The following ARID4B variants were observed in gnomAD, a reference collection of about 807,000 sequenced individuals.
ARID4B encodes the protein AT-rich interactive domain-containing protein 4B.
In ARID4B, 26 loss-of-function variants were observed where a neutral mutation model predicts 147.5. That is an observed-to-expected ratio of 0.18 (90% CI 0.13 to 0.24). The LOEUF is 0.24. Among genes scored for constraint, ARID4B ranks in the 10% least tolerant of loss-of-function variants. ARID4B has a pLI of 1.00. For missense variants in ARID4B, 1,179 were observed against 1,511.5 expected (o/e 0.78, Z 3.65); for synonymous variants, 512 against 507.9 (o/e 1.01, Z -0.11).
At chr1:235,240,633 A>G in intron 7 of ARID4B, 182 bp from the exon 8 acceptor site, 3 of 617,996 alleles carry the variant, frequency 4.9e-6, no homozygotes, top group Non-Finnish European at 8.3e-6. Context: ...TCATGAGAGG[A>G]AAGCACATCA....
In ARID4B at chr1:235,179,840, G is replaced by A. The variant is rs566931507; in HGVS notation, c.3334+1745C>T. On this transcript the variant is annotated intron_variant, in intron 20 of 23. Transcript: ENST00000264183. ...AATCCTAGCACTTTGGGAGGCCAAG[G>A]CAGGCAGATCATGAGGTCAAGAGAT... Among the ~76,000 whole-genome samples the A allele has an allele frequency of 3.8e-4, 58 of 151,972 alleles. 1 individual carries two copies. The East Asian group carries it at 0.01, about 27-fold the overall frequency.
At chr1:235,203,928 ACTAT>A (rs1362063793) in intron 17 of ARID4B, among the ~76,000 whole-genome samples, 14 of 151,496 alleles carry the variant, frequency 9.2e-5, no homozygotes, top group African/African-American at 2.9e-4. Context: ...TTTTAATCTG[ACTAT>A]CTAAAACAAG....
chr1:235,327,358 C>T (rs1443465533), intron 1 of ARID4B: 1 of 152,842 alleles, frequency 6.5e-6, no homozygotes, highest in East Asian at 1.9e-4. Flanking sequence ...AGAGGCCGGC[C>T]GGGGGCCACC....
chr1:235,256,087 T>C (rs10449288), intron 4 of ARID4B, among the ~76,000 whole-genome samples: 43,895 of 149,412 alleles, frequency 0.29, 7,519 homozygotes, highest in South Asian at 0.53. Flanking sequence ...GCCAGGAGAA[T>C]TGCTTGAGCC....
chr1:235,319,767 G>A (rs1367174378), intron 2 of ARID4B, among the ~76,000 whole-genome samples: 6 of 152,002 alleles, frequency 3.9e-5, no homozygotes, highest in East Asian at 1.9e-4. Context: ...CAAGGCGGGC[G>A]GATCACTTAA....
intron 19 of ARID4B, among the ~76,000 whole-genome samples, chr1:235,191,428 T>G (rs955282515): frequency 1.3e-5 from 2 of 151,896 alleles, no homozygotes; most frequent in Admixed American, 6.6e-5. Context: ...TTTTGTATTT[T>G]TTTTTTTAGT....
At chr1:235,323,502 C>T (rs1296907932) in intron 2 of ARID4B, among the ~76,000 whole-genome samples, 1 of 151,990 alleles carries the variant, frequency 6.6e-6, no homozygotes, top group East Asian at 1.9e-4. Flanking sequence ...AAGTAAAAAT[C>T]GGCCGGGCGC....
intron 17 of ARID4B, among the ~76,000 whole-genome samples, chr1:235,207,501 GT>G (rs1225053261): frequency 2.6e-5 from 4 of 152,160 alleles, no homozygotes; most frequent in African/African-American, 9.7e-5. Flanking sequence ...GTCAAAAGAA[GT>G]GATTATAATA....
At chr1:235,193,537 A>G (rs1304113812) in intron 19 of ARID4B, among the ~76,000 whole-genome samples, 1 of 152,256 alleles carries the variant, frequency 6.6e-6, no homozygotes, top group East Asian at 1.9e-4. Context: ...GATGGCACAG[A>G]AAAGATTAAA....
chr1:235,238,487 T>C (rs144648354), intron 8 of ARID4B, among the ~76,000 whole-genome samples: 1,565 of 152,202 alleles, frequency 0.01, 25 homozygotes, highest in African/African-American at 0.033. Context: ...AATAGTACTT[T>C]CAAAGTGTCT....
intron 2 of ARID4B, among the ~76,000 whole-genome samples, chr1:235,270,355 C>T (rs186678010): frequency 6.6e-6 from 1 of 152,258 alleles, no homozygotes; most frequent in East Asian, 1.9e-4. Context: ...TGGATGTTAT[C>T]TATATTTCTT....
intron 2 of ARID4B, among the ~76,000 whole-genome samples, chr1:235,310,410 G>A (rs532742254): frequency 9.2e-5 from 14 of 152,246 alleles, no homozygotes; most frequent in African/African-American, 3.4e-4. Context: ...AAAAGAACAG[G>A]CTCTGTGATC....
intron 19 of ARID4B, among the ~76,000 whole-genome samples, chr1:235,192,333 G>A (rs1665170287): frequency 6.6e-6 from 1 of 152,120 alleles, no homozygotes; most frequent in Non-Finnish European, 1.5e-5. Context: ...CTTCTGGGAG[G>A]AGACATACTA....
At chr1:235,170,910 C>CAAAAA (rs1164420998) in intron 23 of ARID4B, among the ~76,000 whole-genome samples, 28 of 61,426 alleles carry the variant, frequency 4.6e-4, no homozygotes, top group African/African-American at 1.4e-3. Flanking sequence ...GACTCCGTCT[C>CAAAAA]AAAAAAAAAA....
At chr1:235,247,836 A>C (rs1442860544) in intron 6 of ARID4B, among the ~76,000 whole-genome samples, 1 of 151,988 alleles carries the variant, frequency 6.6e-6, no homozygotes, top group Non-Finnish European at 1.5e-5. Context: ...TAAAAATACA[A>C]AATTAGCCTG....
chr1:235,289,791 T>C (rs1672212891), intron 2 of ARID4B, among the ~76,000 whole-genome samples: 2 of 150,022 alleles, frequency 1.3e-5, no homozygotes, highest in African/African-American at 4.9e-5. Context: ...GGATATTTCA[T>C]ATAAAAAGAA....
intron 15 of ARID4B, 88 bp downstream of exon 15, chr1:235,220,214 T>A: frequency 1.7e-6 from 2 of 1,193,668 alleles, no homozygotes; most frequent in Admixed American, 2.6e-5. Flanking sequence ...AAGAATAATA[T>A]TATACAATAT....
At chr1:235,298,126 A>G (rs1201209775) in intron 2 of ARID4B, among the ~76,000 whole-genome samples, 1 of 152,174 alleles carries the variant, frequency 6.6e-6, no homozygotes, top group Non-Finnish European at 1.5e-5. Flanking sequence ...GATATCTGGA[A>G]TTTGCTTTAA....
At chr1:235,322,678 C>A (rs964681443) in intron 2 of ARID4B, among the ~76,000 whole-genome samples, 1 of 152,192 alleles carries the variant, frequency 6.6e-6, no homozygotes, top group East Asian at 1.9e-4. Context: ...TTATCTGCAT[C>A]TTCTGCTACA....
Sources: gnomAD v4.1 joint callset for allele counts (sites outside exome capture counted in the v4.1 genomes callset) on GRCh38, gnomAD v4.1.1 for gene constraint, MANE v1.5 for transcripts, NCBI Gene and HGNC (gene_info 2026-07-23, HGNC 2026-07-21) for gene names.